WDR25: variants seen among roughly 807,000 people sequenced by gnomAD.
WDR25 encodes the protein WD repeat domain 25, also known as WD repeat-containing protein 25.
WDR25 carries 35 observed loss-of-function variants against 47.7 expected under a neutral mutation model. That is an observed-to-expected ratio of 0.73 (90% CI 0.56 to 0.97). WDR25 has a LOEUF of 0.97. Ranked by LOEUF, WDR25 falls within the 50% of genes least tolerant of loss-of-function variation. The pLI is 0.00. For missense variants in WDR25, 634 were observed against 704.7 expected (o/e 0.90, Z 1.14); for synonymous variants, 248 against 278.9 (o/e 0.89, Z 1.10).
At chr14:100,386,636 G>T (rs911189946) in intron 2 of WDR25, among the ~76,000 whole-genome samples, 1 of 152,172 alleles carries the variant, frequency 6.6e-6, no homozygotes, top group African/African-American at 2.4e-5. Flanking sequence ...GCTCATGCCT[G>T]TAATCCCAGC....
intron 3 of WDR25, chr14:100,481,046 G>C (rs1196959048): frequency 1.4e-5 from 6 of 427,112 alleles, no homozygotes; most frequent in Admixed American, 3.0e-5. Flanking sequence ...TCCTGCAAAA[G>C]TGGAATTGAA....
rs566380139 is a variant in WDR25, at chr14:100,520,967, T to C, written c.1102-4903T>C. 7.4e-4 allele frequency among the ~76,000 whole-genome samples: 112 copies of C among 152,330 alleles called. 1 individual carries two copies. In the South Asian group the frequency reaches 9.5e-3, roughly 13 times the overall value. On this transcript the variant is annotated intron_variant, in intron 4 of 6. Transcript: ENST00000402312. ...AAATCAATACATGGTTAATTTTGTTTGCCTAATTTTGCTTTCACATTTTAG... is the reference window on the plus strand; with the variant it reads ...AAATCAATACATGGTTAATTTTGTTCGCCTAATTTTGCTTTCACATTTTAG...
intron 2 of WDR25, among the ~76,000 whole-genome samples, chr14:100,417,090 T>G (rs910509738): frequency 4.6e-5 from 7 of 152,196 alleles, no homozygotes; most frequent in Non-Finnish European, 7.4e-5. Context: ...GCAATCCAAC[T>G]ACCACAGGCC....
At chr14:100,465,720 C>G (rs1056827333) in intron 2 of WDR25, among the ~76,000 whole-genome samples, 3 of 152,172 alleles carry the variant, frequency 2.0e-5, no homozygotes, top group Non-Finnish European at 4.4e-5. Flanking sequence ...TGGGCATTTA[C>G]CCAGAAGTGG....
intron 2 of WDR25, among the ~76,000 whole-genome samples, chr14:100,437,889 G>T (rs1183975718): frequency 6.6e-6 from 1 of 152,106 alleles, no homozygotes; most frequent in Non-Finnish European, 1.5e-5. Flanking sequence ...GTTCAAGGAG[G>T]ACTGCACCTC....
intron 2 of WDR25, among the ~76,000 whole-genome samples, chr14:100,395,931 G>A (rs1056633533): frequency 6.6e-6 from 1 of 151,996 alleles, no homozygotes; most frequent in African/African-American, 2.4e-5. Flanking sequence ...AACTTTGCTG[G>A]GAGCTAAATC....
chr14:100,431,398 T>C (rs1397144377), intron 2 of WDR25, among the ~76,000 whole-genome samples: 1 of 152,198 alleles, frequency 6.6e-6, no homozygotes, highest in East Asian at 1.9e-4. Flanking sequence ...ATAAAAGCAG[T>C]TAAAGGATTA....
intron 2 of WDR25, among the ~76,000 whole-genome samples, chr14:100,452,732 C>A (rs1442659497): frequency 1.3e-5 from 2 of 152,106 alleles, no homozygotes. Context: ...ATGCAGAGGT[C>A]CAGTCTGGCT....
At chr14:100,378,271 A>G (rs1441298996) in intron 1 of WDR25, among the ~76,000 whole-genome samples, 1 of 151,856 alleles carries the variant, frequency 6.6e-6, no homozygotes, top group African/African-American at 2.4e-5. Flanking sequence ...CTGGGTTTAA[A>G]TGATTCTCCT....
At chr14:100,435,926 G>T (rs1450710528) in intron 2 of WDR25, among the ~76,000 whole-genome samples, 1 of 152,154 alleles carries the variant, frequency 6.6e-6, no homozygotes, top group Non-Finnish European at 1.5e-5. Flanking sequence ...CTGGTGTGAG[G>T]CTTGGAGAGG....
intron 2 of WDR25, among the ~76,000 whole-genome samples, chr14:100,393,742 C>G (rs1897194106): frequency 6.6e-6 from 1 of 152,050 alleles, no homozygotes; most frequent in South Asian, 2.1e-4. Flanking sequence ...GCCCATGTTG[C>G]TGGAGGGCTG....
intron 3 of WDR25, among the ~76,000 whole-genome samples, chr14:100,471,071 C>T (rs1479240936): frequency 6.6e-6 from 1 of 152,194 alleles, no homozygotes; most frequent in Non-Finnish European, 1.5e-5. Context: ...TGGTGGGCCC[C>T]TGGGAGAGAA....
Position 100,392,246 on chromosome 14 carries a change from A to G in WDR25, c.822+10500A>G, listed in dbSNP as rs1439294259. 6.6e-6 allele frequency among the ~76,000 whole-genome samples: 1 copy of G among 152,144 alleles called. No individual in the cohort carries two copies. The highest frequency in any genetic ancestry group is 1.5e-5 in the Non-Finnish European group (1 of 68,046). On this transcript the variant is annotated intron_variant, in intron 2 of 6. Transcript: ENST00000402312. The surrounding 1 kb of genome is among the most constrained non-coding windows in gnomAD (Gnocchi z 4.2). ...TTTAGACAGTGTAATTGAGGACCACAGTTTTCTTTACATCTGTAATTACAT... is the reference window on the plus strand; with the variant it reads ...TTTAGACAGTGTAATTGAGGACCACGGTTTTCTTTACATCTGTAATTACAT...
intron 2 of WDR25, among the ~76,000 whole-genome samples, chr14:100,461,580 C>T (rs1899414384): frequency 6.6e-6 from 1 of 152,222 alleles, no homozygotes; most frequent in Non-Finnish European, 1.5e-5. Flanking sequence ...ATCAGTGCAA[C>T]TCCAGCTGTA....
intron 2 of WDR25, among the ~76,000 whole-genome samples, chr14:100,420,880 T>C (rs1898006943): frequency 1.3e-5 from 2 of 152,318 alleles, no homozygotes; most frequent in Non-Finnish European, 2.9e-5. Flanking sequence ...TGAGCGACCC[T>C]GGCTGTTTGC....
At chr14:100,443,552 G>A (rs1006758867) in intron 2 of WDR25, among the ~76,000 whole-genome samples, 1 of 152,156 alleles carries the variant, frequency 6.6e-6, no homozygotes, top group Admixed American at 6.5e-5. Context: ...TGTTCCCTCT[G>A]ATTTTGGGGG....
rs371814489 is a variant in WDR25, at chr14:100,402,345, T to C, written c.822+20599T>C. On this transcript the variant is annotated intron_variant, in intron 2 of 6. Transcript: ENST00000402312. Reference sequence around the variant, plus strand: ...TTATTTAAGACACACTCCCCCACTTTTCTTTGTTATTGCTTTCTCCTAAAA... The same window carrying C: ...TTATTTAAGACACACTCCCCCACTTCTCTTTGTTATTGCTTTCTCCTAAAA... 8.5e-5 allele frequency among the ~76,000 whole-genome samples: 13 copies of C among 152,158 alleles called. 1 individual carries two copies. Among genetic ancestry groups the C allele is most frequent in the African/African-American group, 3.1e-4 (13 of 41,520 alleles).
At position 100,404,097 on chromosome 14, in the gene WDR25, A is replaced by C. The variant is rs1426857595; in HGVS notation, c.822+22351A>C. Among the ~76,000 whole-genome samples the C allele has an allele frequency of 6.6e-6, 1 of 151,956 alleles. No homozygotes were observed. The highest frequency in any genetic ancestry group is 1.9e-4 in the East Asian group (1 of 5,184). ...ACATTCACTTTTGGTAGCAATTAGA[A>C]CTCCCATTTGCTGAGATCCTACCAT... is the stretch of plus-strand genomic sequence containing the variant. On this transcript the variant is annotated intron_variant, in intron 2 of 6. Coordinates refer to ENST00000402312, the MANE Select transcript of WDR25 (RefSeq NM_001161476.3). The surrounding 1 kb of genome is among the most constrained non-coding windows in gnomAD (Gnocchi z 4.6).
intron 2 of WDR25, among the ~76,000 whole-genome samples, chr14:100,394,068 C>T (rs181991112): frequency 2.0e-5 from 3 of 152,320 alleles, no homozygotes; most frequent in African/African-American, 7.2e-5. Context: ...AACGATAACG[C>T]TCTTACAAAT....
Sources: allele counts gnomAD v4.1 joint callset (sites outside exome capture counted in the v4.1 genomes callset), GRCh38; gene constraint gnomAD v4.1.1; non-coding constraint Gnocchi (gnomAD v3.1); transcripts MANE v1.5; gene names NCBI Gene and HGNC (gene_info 2026-07-23, HGNC 2026-07-21).